NCOA2: variants seen among roughly 807,000 people sequenced by gnomAD.
NCOA2 encodes the protein nuclear receptor coactivator 2, also known as class E basic helix-loop-helix protein 75.
A neutral mutation model predicts 145.1 loss-of-function variants in NCOA2; 21 were observed. The observed-to-expected ratio is 0.14, with a 90% confidence interval of 0.10 to 0.21. The LOEUF (loss-of-function observed/expected upper bound fraction) is 0.21, where lower values mean the gene tolerates loss of function less well. Ranked by LOEUF, NCOA2 falls within the 10% of genes least tolerant of loss-of-function variation. NCOA2 has a pLI of 1.00. For missense variants in NCOA2, 1,472 were observed against 1,837.6 expected (o/e 0.80, Z 3.64); for synonymous variants, 619 against 637.5 (o/e 0.97, Z 0.44).
chr8:70,153,843 G>C (rs1812012398), intron 11 of NCOA2, among the ~76,000 whole-genome samples: 1 of 152,162 alleles, frequency 6.6e-6, no homozygotes, highest in African/African-American at 2.4e-5. Context: ...ATAGAACCTT[G>C]CACTAATATC....
chr8:70,180,115 C>T (rs1015248138), intron 4 of NCOA2, among the ~76,000 whole-genome samples: 5 of 152,146 alleles, frequency 3.3e-5, no homozygotes, highest in Admixed American at 6.5e-5. Flanking sequence ...AGACCACGAC[C>T]TAAGAAAGTA....
Position 70,275,720 on chromosome 8 carries a change from ACAC to A in NCOA2, c.-20+21021_-20+21023del, listed in dbSNP as rs1043850599. On this transcript the variant is annotated intron_variant, in intron 2 of 22. Coordinates refer to ENST00000452400, the MANE Select transcript of NCOA2 (RefSeq NM_006540.4). ...AATTTTGCTTTCCTGATTAATTAGA[ACAC>A]CAACACAAAGAACTAGACTCTAATT... is the stretch of plus-strand genomic sequence containing the variant. Among the ~76,000 whole-genome samples, 62 of 152,330 alleles carry A rather than the reference ACAC, an allele frequency of 4.1e-4. 1 individual carries two copies. Among genetic ancestry groups the A allele is most frequent in the African/African-American group, 1.4e-3 (60 of 41,582 alleles).
chr8:70,251,499 T>C (rs1290289692), intron 2 of NCOA2, among the ~76,000 whole-genome samples: 1 of 152,246 alleles, frequency 6.6e-6, no homozygotes, highest in Non-Finnish European at 1.5e-5. Context: ...TAGCACACTG[T>C]AAACCACTCT....
chr8:70,134,260 TG>T (rs1370434679), intron 15 of NCOA2, among the ~76,000 whole-genome samples: 5 of 152,176 alleles, frequency 3.3e-5, no homozygotes, highest in African/African-American at 4.8e-5. Flanking sequence ...GAGAAACCAC[TG>T]GACTGTCTGC....
chr8:70,273,624 T>G, intron 2 of NCOA2: 1 of 738,612 alleles, frequency 1.4e-6, no homozygotes, highest in South Asian at 1.3e-5. Context: ...ACTTTCACCA[T>G]TACAGGCTAT....
chr8:70,401,858 T>A (rs1814282917), intron 1 of NCOA2: 1 of 152,268 alleles, frequency 6.6e-6, no homozygotes, highest in Non-Finnish European at 1.5e-5. Flanking sequence ...ATATGCCATT[T>A]TAGAAACCGG....
intron 4 of NCOA2, among the ~76,000 whole-genome samples, chr8:70,177,149 C>T (rs1019234791): frequency 6.6e-6 from 1 of 152,156 alleles, no homozygotes; most frequent in African/African-American, 2.4e-5. Flanking sequence ...TCAGTAGCAG[C>T]AGTGATTCTC....
At chr8:70,290,706 A>G (rs1399695540) in intron 2 of NCOA2, among the ~76,000 whole-genome samples, 1 of 152,196 alleles carries the variant, frequency 6.6e-6, no homozygotes, top group Non-Finnish European at 1.5e-5. Context: ...GTAAAATAAA[A>G]AAAACTTAAT....
At chr8:70,417,059 A>T in the NCOA2 span, among the ~76,000 whole-genome samples, 587 of 152,124 alleles carry the variant, frequency 3.9e-3, 4 homozygotes, top group African/African-American at 0.013. Context: ...AAATAAGGAA[A>T]CAATTACAGC....
chr8:70,442,170 G>C, the NCOA2 span, among the ~76,000 whole-genome samples: 1,138 of 48,988 alleles, frequency 0.023, 15 homozygotes, highest in African/African-American at 0.05. Flanking sequence ...AAAGAGAAAG[G>C]CTGACTCTCA....
chr8:70,157,068 G>C lies in NCOA2; in HGVS notation c.1297C>G (p.Gln433Glu). 6.2e-7 allele frequency: 1 copy of C among 1,614,048 alleles called. No individual in the cohort carries two copies. The highest frequency in any genetic ancestry group is 1.3e-5 in the African/African-American group (1 of 75,064). The part of the protein sequence containing the change: ...INFPINGPKE[Q>E]MGMPMGRFGG... ...AACCTGCCCATGGGCATGCCCATTT[G>C]TTCCTTTGGGCCATTTATGGGAAAA... Residue 433 changes from glutamine (Q) to glutamate (E), a missense_variant, in exon 11 of 23, where the codon CAA becomes GAA. Gln to Glu is a conservative substitution (Grantham distance 29, BLOSUM62 2). Coordinates refer to ENST00000452400, the MANE Select transcript of NCOA2 (RefSeq NM_006540.4).
chr8:70,248,494 C>T (rs1822808137), intron 2 of NCOA2, among the ~76,000 whole-genome samples: 1 of 152,076 alleles, frequency 6.6e-6, no homozygotes, highest in African/African-American at 2.4e-5. Context: ...TACTCTATGT[C>T]CTGGCTCCTT....
At chr8:70,249,017 C>G (rs577596273) in intron 2 of NCOA2, among the ~76,000 whole-genome samples, 11 of 151,990 alleles carry the variant, frequency 7.2e-5, no homozygotes, top group Admixed American at 3.3e-4. Flanking sequence ...CTCCACCCCC[C>G]GGATGGACAT....
chr8:70,159,244 T>TATATATATATATATA, intron 10 of NCOA2, among the ~76,000 whole-genome samples: 5 of 69,298 alleles, frequency 7.2e-5, no homozygotes, highest in Non-Finnish European at 5.8e-5. Context: ...ATATATATAT[T>TATATATATATATATA]TTTTTTTTTT....
At chr8:70,347,388 G>T (rs1052502649) in intron 1 of NCOA2, among the ~76,000 whole-genome samples, 2 of 151,998 alleles carry the variant, frequency 1.3e-5, no homozygotes, top group African/African-American at 2.4e-5. Flanking sequence ...GAGAAACTGA[G>T]GCAGGAGACT....
chr8:70,311,958 G>A (rs1304520951), intron 1 of NCOA2, among the ~76,000 whole-genome samples: 2 of 152,202 alleles, frequency 1.3e-5, no homozygotes, highest in Admixed American at 6.5e-5. Context: ...AATGCCTAGA[G>A]ATAGACTACT....
intron 4 of NCOA2, among the ~76,000 whole-genome samples, chr8:70,210,286 T>C (rs1280846351): frequency 6.6e-6 from 1 of 152,192 alleles, no homozygotes; most frequent in African/African-American, 2.4e-5. Context: ...AACTATTTAG[T>C]CTTAGCTAGT....
intron 1 of NCOA2, among the ~76,000 whole-genome samples, chr8:70,298,748 G>A (rs1827268621): frequency 6.6e-6 from 1 of 152,152 alleles, no homozygotes; most frequent in African/African-American, 2.4e-5. Flanking sequence ...TGAGGCAAAA[G>A]TGTCAATGCA....
At chr8:70,247,463 A>C (rs1822726565) in intron 2 of NCOA2, among the ~76,000 whole-genome samples, 1 of 152,230 alleles carries the variant, frequency 6.6e-6, no homozygotes, top group Admixed American at 6.5e-5. Context: ...CTTAAAATCT[A>C]AAATCAATAA....
Sources: gnomAD v4.1 joint callset for allele counts (sites outside exome capture counted in the v4.1 genomes callset) on GRCh38, gnomAD v4.1.1 for gene constraint, MANE v1.5 for transcripts, NCBI Gene and HGNC (gene_info 2026-07-23, HGNC 2026-07-21) for gene names.